Variants in NFIB observed in about 807,000 individuals in gnomAD.
NFIB encodes the protein nuclear factor I B.
NFIB carries 11 observed loss-of-function variants against 61.5 expected under a neutral mutation model. The ratio of observed to expected loss-of-function variants is 0.18; its 90% CI spans 0.11 to 0.30. NFIB has a LOEUF of 0.30. Ranked by LOEUF, NFIB falls within the 10% of genes least tolerant of loss-of-function variation. The probability of loss-of-function intolerance (pLI) is 1.00; values close to 1 mark genes in which losing one functional copy is unlikely to be tolerated. For synonymous variants in NFIB, 260 were observed against 216.5 expected (o/e 1.20, Z -1.76); for missense variants, 471 against 608.9 (o/e 0.77, Z 2.38).
At chr9:14,273,953 T>G (rs2057809137) in intron 2 of NFIB, among the ~76,000 whole-genome samples, 1 of 152,168 alleles carries the variant, frequency 6.6e-6, no homozygotes, top group Non-Finnish European at 1.5e-5. Context: ...AAACAGTCTT[T>G]TTTTCACCTC....
chr9:14,107,701 G>A (rs1301905072), intron 10 of NFIB, among the ~76,000 whole-genome samples: 1 of 151,942 alleles, frequency 6.6e-6, no homozygotes, highest in Non-Finnish European at 1.5e-5. Context: ...CTAATCCCTG[G>A]TTCTCACCCA....
At chr9:14,114,850 T>G (rs2037889755) in intron 9 of NFIB, among the ~76,000 whole-genome samples, 1 of 152,244 alleles carries the variant, frequency 6.6e-6, no homozygotes, top group African/African-American at 2.4e-5. Context: ...TTGTTTTCTG[T>G]GTGCTTTTAT....
At chr9:14,088,457 G>T (rs2033233679) in intron 10 of NFIB, 131 bp from the exon 11 acceptor site, 1 of 961,828 alleles carries the variant, frequency 1.0e-6, no homozygotes. Context: ...CAAAATTACA[G>T]TCTAATATGA....
the NFIB span, among the ~76,000 whole-genome samples, chr9:14,482,037 T>C: frequency 6.6e-6 from 1 of 152,120 alleles, no homozygotes; most frequent in African/African-American, 2.4e-5. Flanking sequence ...AACTAAGGGT[T>C]GGAATGTTGG....
chr9:14,129,916 C>G (rs1695822686), intron 6 of NFIB, among the ~76,000 whole-genome samples: 1 of 152,110 alleles, frequency 6.6e-6, no homozygotes, highest in African/African-American at 2.4e-5. Context: ...GATGTTTCTA[C>G]TGGTGGGAGG....
the NFIB span, among the ~76,000 whole-genome samples, chr9:14,501,618 G>A: frequency 5.9e-5 from 9 of 152,168 alleles, no homozygotes; most frequent in Admixed American, 2.6e-4. Flanking sequence ...TTGGGACTCC[G>A]AAGCTAAGAA....
chr9:14,274,340 A>T (rs2057851506), intron 2 of NFIB, among the ~76,000 whole-genome samples: 1 of 150,694 alleles, frequency 6.6e-6, no homozygotes, highest in African/African-American at 2.4e-5. Flanking sequence ...GTTTTTCAGA[A>T]TTTCTCAGGG....
At chr9:14,500,129 T>G in the NFIB span, among the ~76,000 whole-genome samples, 2 of 152,106 alleles carry the variant, frequency 1.3e-5, no homozygotes, top group Non-Finnish European at 2.9e-5. Context: ...CTCCAGCATA[T>G]GTAGGTACTG....
chr9:14,398,585 G>A (rs2061711176), exon 1 of NFIB: 1 of 1,535,080 alleles, frequency 6.5e-7, no homozygotes, highest in Middle Eastern at 1.7e-4. Context: ...TTTCAGAACT[G>A]CACAGCAGAC....
chr9:14,338,707 CTCTTCTTT>C lies in NFIB; in HGVS notation c.109-31195_109-31188del, dbSNP rs372472932. Among the ~76,000 whole-genome samples the C allele has an allele frequency of 2.4e-3, 366 of 152,194 alleles. 2 individuals carry two copies. Among genetic ancestry groups the C allele is most frequent in the African/African-American group, 8.3e-3 (346 of 41,534 alleles). ...ACACACAGTAATACATTAGGGTTTT[CTCTTCTTT>C]TCTTCTTTTCTTCCTTCCTTTCTTC... On this transcript the variant is annotated intron_variant, in intron 1 of 8. Coordinates refer to the NFIB transcript ENST00000380934.
At chr9:14,215,007 G>C (rs1327863421) in intron 2 of NFIB, among the ~76,000 whole-genome samples, 1 of 152,196 alleles carries the variant, frequency 6.6e-6, no homozygotes, top group Admixed American at 6.5e-5. Context: ...GGAGAAACAA[G>C]GAGAAGGAAG....
upstream of NFIB, among the ~76,000 whole-genome samples, chr9:14,401,499 C>T (rs2061743119): frequency 6.6e-6 from 1 of 152,324 alleles, no homozygotes. Context: ...TTACTCAAGT[C>T]ATCTTCTTGG....
At chr9:14,445,971 A>C in the NFIB span, among the ~76,000 whole-genome samples, 9 of 152,136 alleles carry the variant, frequency 5.9e-5, no homozygotes. Flanking sequence ...TGTGTATGAA[A>C]ATATATTGAT....
upstream of NFIB, among the ~76,000 whole-genome samples, chr9:14,399,493 T>A (rs781716661): frequency 7.9e-5 from 12 of 152,174 alleles, no homozygotes; most frequent in Non-Finnish European, 1.5e-4. Flanking sequence ...AGGCAAAAAA[T>A]TTGCAAGTAA....
chr9:14,527,996 C>A, the NFIB span, among the ~76,000 whole-genome samples: 1 of 152,016 alleles, frequency 6.6e-6, no homozygotes, highest in African/African-American at 2.4e-5. Flanking sequence ...TTTAGAAATT[C>A]TTTAGTTTTT....
chr9:14,461,089 C>T, the NFIB span, among the ~76,000 whole-genome samples: 1 of 152,082 alleles, frequency 6.6e-6, no homozygotes, highest in Admixed American at 6.6e-5. Context: ...GCTGGATAAG[C>T]TCAATCTTCT....
chr9:14,228,541 A>G (rs1213382165), intron 2 of NFIB, among the ~76,000 whole-genome samples: 1 of 152,218 alleles, frequency 6.6e-6, no homozygotes, highest in Non-Finnish European at 1.5e-5. Context: ...GAACCCATTT[A>G]CAAAAGCCAC....
the NFIB span, among the ~76,000 whole-genome samples, chr9:14,486,898 A>G: frequency 6.6e-6 from 1 of 152,234 alleles, no homozygotes; most frequent in Non-Finnish European, 1.5e-5. Flanking sequence ...TAAAAATGAT[A>G]AAACTAATTT....
upstream of NFIB, among the ~76,000 whole-genome samples, chr9:14,401,786 T>C (rs2061745397): frequency 1.3e-5 from 2 of 152,284 alleles, no homozygotes; most frequent in South Asian, 4.2e-4. Flanking sequence ...CTAGGCTTTG[T>C]AATAGTAAGC....
Sources: gnomAD v4.1 joint callset for allele counts (sites outside exome capture counted in the v4.1 genomes callset) on GRCh38, gnomAD v4.1.1 for gene constraint, MANE v1.5 for transcripts, NCBI Gene and HGNC (gene_info 2026-07-23, HGNC 2026-07-21) for gene names.